ITGB1BP1: variants seen among roughly 807,000 people sequenced by gnomAD.
ITGB1BP1 encodes the protein integrin beta-1-binding protein 1.
A neutral mutation model predicts 28.0 loss-of-function variants in ITGB1BP1; 20 were observed. That is an observed-to-expected ratio of 0.71 (90% CI 0.50 to 1.04). ITGB1BP1 has a LOEUF of 1.04. Ranked by LOEUF, ITGB1BP1 falls within the 50% of genes least tolerant of loss-of-function variation. The pLI is 0.00. For missense variants in ITGB1BP1, 228 were observed against 242.5 expected (o/e 0.94, Z 0.40); for synonymous variants, 103 against 89.5 (o/e 1.15, Z -0.85).
At position 9,406,572 on chromosome 2, in the gene ITGB1BP1, G is replaced by C. The variant is rs933977482; in HGVS notation, c.*262C>G. 1 of 447,124 alleles carries C rather than the reference G, an allele frequency of 2.2e-6. No homozygotes were observed. The highest frequency in any genetic ancestry group is 3.6e-5 in the Admixed American group (1 of 28,050). 27.7% of individuals were successfully genotyped at this position (447,124 alleles called of 1,614,324 possible). On this transcript the variant is annotated 3_prime_UTR_variant, in exon 7 of 7. Transcript: ENST00000355346. The stretch of plus-strand genomic sequence containing the variant: ...GGACCTCTGTGACACCTAGGCTTCT[G>C]TGACACTTAGGTTAAGCTTATTAGA...
rs768671001 is a variant in ITGB1BP1, at chr2:9,415,637, C to T, written c.73-1381G>A. Reference sequence around the variant, plus strand: ...CACAGATGAGATTTCCCTGTAGGGTCCCCACGCTTAAGGCTGAGGAAGTGG... The same window carrying T: ...CACAGATGAGATTTCCCTGTAGGGTTCCCACGCTTAAGGCTGAGGAAGTGG... On this transcript the variant is annotated intron_variant, in intron 2 of 6. Transcript: ENST00000355346. The surrounding 1 kb of genome is among the most constrained non-coding windows in gnomAD (Gnocchi z 4.1). Among the ~76,000 whole-genome samples, 2 of 152,126 alleles carry T rather than the reference C, an allele frequency of 1.3e-5. No homozygotes were observed. Among genetic ancestry groups the T allele is most frequent in the Non-Finnish European group, 2.9e-5 (2 of 68,008 alleles).
chr2:9,407,232 C>T (rs1055728269), intron 6 of ITGB1BP1: 4 of 614,006 alleles, frequency 6.5e-6, no homozygotes, highest in Non-Finnish European at 1.1e-5. Context: ...CCTTTTAAAT[C>T]CCGGCACAAG....
chr2:9,412,352 CAA>C lies in ITGB1BP1; in HGVS notation c.203_204del (p.Val68GlyfsTer4), dbSNP rs1351879952. 1.9e-6 allele frequency: 3 copies of C among 1,611,994 alleles called. No homozygotes were observed. Among genetic ancestry groups the C allele is most frequent in the Admixed American group, 1.7e-5 (1 of 59,866 alleles). ...GAGAGTTTCAGTTTCTCAATGGCAC[CAA>C]CATATTTTATTCGAAATTCTGCACA... ...DTCAEFRIKY[V>X]GAIEKLKLSE... On this transcript the variant is annotated frameshift_variant, in exon 4 of 7. Transcript: ENST00000355346. LOFTEE classifies it high-confidence loss of function.
At chr2:9,423,156 C>G in intron 1 of ITGB1BP1, 1 of 1,008,004 alleles carries the variant, frequency 9.9e-7, no homozygotes, top group Non-Finnish European at 1.2e-6. Flanking sequence ...AAGCTGCAGT[C>G]CGCAAGCCCA....
At position 9,404,259 on chromosome 2, in the gene ITGB1BP1, A is replaced by T. The variant is rs1676997882; in HGVS notation, c.*2575T>A. On this transcript the variant is annotated 3_prime_UTR_variant, in exon 7 of 7. Transcript: ENST00000355346. ...TTCTAGCCCAGGAGAATGTTTACTC[A>T]GTTTAGTGTCTTGTATTTCTATAAT... 2.0e-5 allele frequency: 3 copies of T among 152,204 alleles called. No individual in the cohort carries two copies. In the South Asian group the frequency reaches 6.2e-4, roughly 31 times the overall value. The allele number at this position is 152,204 out of a possible 1,614,324, so 9.4% of individuals were successfully genotyped here.
intron 1 of ITGB1BP1, chr2:9,423,011 G>C (rs1680085185): frequency 4.0e-6 from 4 of 990,218 alleles, no homozygotes; most frequent in Non-Finnish European, 4.8e-6. Flanking sequence ...TGGGTGCGGA[G>C]GATGTGACAG....
rs193044752 is a variant in ITGB1BP1 at position 9,416,439 on chromosome 2, C to T, written c.73-2183G>A. Among the ~76,000 whole-genome samples the T allele has an allele frequency of 1.9e-3, 288 of 152,168 alleles. 2 individuals are homozygous for T. Among genetic ancestry groups the T allele is most frequent in the African/African-American group, 6.5e-3 (271 of 41,520 alleles). ...GGGCCTCATCCAAGCAGGTGAAGGC[C>T]TTAAAGGAAAATGACTCAGGCTCCC... On this transcript the variant is annotated intron_variant, in intron 2 of 6. Transcript: ENST00000355346.
Position 9,416,803 on chromosome 2 carries a change from A to G in ITGB1BP1, c.72+1823T>C, listed in dbSNP as rs139865896. 1.5e-3 allele frequency among the ~76,000 whole-genome samples: 230 copies of G among 152,198 alleles called. 1 individual carries two copies. Among genetic ancestry groups the G allele is most frequent in the African/African-American group, 5.5e-3 (227 of 41,524 alleles). On this transcript the variant is annotated intron_variant, in intron 2 of 6. Transcript: ENST00000355346. ...AATTATTCACTGTCTCTGGGTGTCA[A>G]TCATGTCTCAAATGGTATCTGGCAT...
At position 9,407,454 on chromosome 2, in the gene ITGB1BP1, T is replaced by A; in HGVS notation, c.526A>T (p.Ser176Cys). ...EYSLWVYQCN[S>C]LEQAQAICKV... Reference sequence around the variant, plus strand: ...CCAAAGTAACGAAGTCTCACCAGGCTGTTGCACTGATAAACCCACAGGCTG... The same window carrying A: ...CCAAAGTAACGAAGTCTCACCAGGCAGTTGCACTGATAAACCCACAGGCTG... Residue 176 changes from serine (S) to cysteine (C), a missense_variant, in exon 6 of 7, where the codon AGC becomes TGC. By Grantham distance (112) the Ser-to-Cys change is moderately radical. Transcript: ENST00000355346. 6.2e-7 allele frequency: 1 copy of A among 1,614,206 alleles called. No homozygotes were observed. The highest frequency in any genetic ancestry group is 1.1e-5 in the South Asian group (1 of 91,080).
chr2:9,407,602 C>G lies in ITGB1BP1; in HGVS notation c.382-4G>C. The stretch of plus-strand genomic sequence containing the variant: ...GAGCATGCCTGTGCAAAACATCCTG[C>G]AGAAGTCAGGAAAGATTCCGAGAGA... On this transcript the variant is annotated splice_polypyrimidine_tract_variant and splice_region_variant and intron_variant, in intron 5 of 6. Transcript: ENST00000355346. 2 of 1,614,034 alleles carry G rather than the reference C, an allele frequency of 1.2e-6. No individual in the cohort carries two copies. The highest frequency in any genetic ancestry group is 1.7e-6 in the Non-Finnish European group (2 of 1,180,004).
At chr2:9,413,353 GA>G (rs1678708861) in intron 3 of ITGB1BP1, among the ~76,000 whole-genome samples, 1 of 151,924 alleles carries the variant, frequency 6.6e-6, no homozygotes, top group Non-Finnish European at 1.5e-5. Flanking sequence ...TTTTGAGATG[GA>G]GTCTTATTCT....
At chr2:9,407,684 G>T in intron 5 of ITGB1BP1, 86 bp from the exon 6 acceptor site, 1 of 1,439,326 alleles carries the variant, frequency 6.9e-7, no homozygotes, top group Non-Finnish European at 9.5e-7. Context: ...GCAGAGTGAG[G>T]CTTGAAACAG....
intron 6 of ITGB1BP1, 73 bp from the exon 7 acceptor site, chr2:9,406,978 G>T: frequency 9.0e-7 from 1 of 1,110,054 alleles, no homozygotes; most frequent in Non-Finnish European, 1.4e-6. Flanking sequence ...GCTAGCAGAG[G>T]CACACACCTG....
rs556487976 is a variant in ITGB1BP1 at position 9,415,345 on chromosome 2, C to T, written c.73-1089G>A. On this transcript the variant is annotated intron_variant, in intron 2 of 6. Transcript: ENST00000355346. The surrounding 1 kb of genome is among the most constrained non-coding windows in gnomAD (Gnocchi z 4.1). ...AGTGAGCCAAGATCACGCCACTGCA[C>T]TCCAGCCTGGGCAACAAGAGTGAAA... is the stretch of plus-strand genomic sequence containing the variant. 5.3e-5 allele frequency among the ~76,000 whole-genome samples: 8 copies of T among 152,222 alleles called. No homozygotes were observed. The highest frequency in any genetic ancestry group is 1.9e-4 in the African/African-American group (8 of 41,544).
chr2:9,414,341 TTAGAG>T, intron 2 of ITGB1BP1, 85 bp from the exon 3 acceptor site: 1 of 935,518 alleles, frequency 1.1e-6, no homozygotes, highest in Non-Finnish European at 1.7e-6. Context: ...ACATCATTTA[TTAGAG>T]TTGAGCTGAC....
At position 9,406,531 on chromosome 2, in the gene ITGB1BP1, GTGTT is replaced by G. The variant is rs1163089757; in HGVS notation, c.*299_*302del. 36 of 271,404 alleles carry G rather than the reference GTGTT, an allele frequency of 1.3e-4. No individual in the cohort carries two copies. Among genetic ancestry groups the G allele is most frequent in the East Asian group, 6.9e-4 (9 of 13,128 alleles). 16.8% of individuals were successfully genotyped at this position (271,404 alleles called of 1,614,324 possible). ...CTCGTCTTCCTCAGGCCTTCAGTGT[GTGTT>G]TGTCACTGAGTGGACCTCTGTGACA... On this transcript the variant is annotated 3_prime_UTR_variant, in exon 7 of 7. Coordinates refer to ENST00000355346, the MANE Select transcript of ITGB1BP1 (RefSeq NM_004763.5).
chr2:9,423,385 G>T lies in ITGB1BP1; in HGVS notation c.-48C>A. On this transcript the variant is annotated 5_prime_UTR_variant, in exon 1 of 7. Transcript: ENST00000355346. ...GCTGGGCGCTCACCTCGCAGCCGCGGGCCCATCCCCGGGTTGCGGACTTCG... is the reference window on the plus strand; with the variant it reads ...GCTGGGCGCTCACCTCGCAGCCGCGTGCCCATCCCCGGGTTGCGGACTTCG... 1 of 1,146,132 alleles carries T rather than the reference G, an allele frequency of 8.7e-7. No individual in the cohort carries two copies. The highest frequency in any genetic ancestry group is 1.1e-6 in the Non-Finnish European group (1 of 921,266). The allele number at this position is 1,146,132 out of a possible 1,614,324, so 71.0% of individuals were successfully genotyped here. A position where few individuals can be genotyped will look rare whatever the true frequency, so the allele number is the denominator to read the frequency against.
chr2:9,417,512 T>TGG lies in ITGB1BP1; in HGVS notation c.72+1112_72+1113dup, dbSNP rs536662672. 1.8e-4 allele frequency among the ~76,000 whole-genome samples: 28 copies of TGG among 152,200 alleles called. No individual in the cohort carries two copies. In the South Asian group the frequency reaches 5.6e-3, roughly 31 times the overall value. On this transcript the variant is annotated intron_variant, in intron 2 of 6. Transcript: ENST00000355346. ...TCAGCTCACTGCAACCTTCGACTCC[T>TGG]GGTTCAAGCAACTCTCCTGTCTCAG...
intron 3 of ITGB1BP1, among the ~76,000 whole-genome samples, chr2:9,412,902 A>G (rs1431410454): frequency 6.6e-6 from 1 of 152,100 alleles, no homozygotes; most frequent in Non-Finnish European, 1.5e-5. Context: ...TGCTTTCCTC[A>G]TTCAGGAAGC....
Sources: gnomAD v4.1 joint callset for allele counts (sites outside exome capture counted in the v4.1 genomes callset) on GRCh38, gnomAD v4.1.1 for gene constraint, Gnocchi (gnomAD v3.1) non-coding constraint, MANE v1.5 for transcripts, NCBI Gene and HGNC (gene_info 2026-07-23, HGNC 2026-07-21) for gene names.